The following RAD52 variants were observed in gnomAD, a reference collection of about 807,000 sequenced individuals.
RAD52 encodes DNA repair protein RAD52 homolog.
Under a neutral mutation model 55.5 loss-of-function variants are expected in RAD52, and 47 were observed. The observed-to-expected ratio is 0.85, with a 90% CI of 0.67 to 1.08. The LOEUF (loss-of-function observed/expected upper bound fraction) is 1.08, where lower values mean the gene tolerates loss of function less well. Among genes scored for constraint, RAD52 ranks in the 50% least tolerant of loss-of-function variants. The pLI, the probability that RAD52 is intolerant of heterozygous loss-of-function variation, is 0.00. For synonymous variants in RAD52, 184 were observed against 198.9 expected (o/e 0.92, Z 0.63); for missense variants, 468 against 522.8 (o/e 0.90, Z 1.02).
At chr12:984,823 C>G (rs773718956) in intron 1 of RAD52, among the ~76,000 whole-genome samples, 1 of 152,178 alleles carries the variant, frequency 6.6e-6, no homozygotes, top group Non-Finnish European at 1.5e-5. Context: ...CGCCACCATG[C>G]CCGGCTAATT....
intron 1 of RAD52, among the ~76,000 whole-genome samples, chr12:960,222 C>G (rs542022000): frequency 1.3e-5 from 2 of 152,164 alleles, no homozygotes; most frequent in South Asian, 4.1e-4. Flanking sequence ...TGCAGGGGCA[C>G]CAGCTAGGAG....
intron 1 of RAD52, among the ~76,000 whole-genome samples, chr12:959,285 G>A (rs1374241369): frequency 2.0e-5 from 3 of 152,192 alleles, no homozygotes; most frequent in South Asian, 4.1e-4. Flanking sequence ...GCTGATTGCA[G>A]TGCCTCTTAG....
intron 1 of RAD52, among the ~76,000 whole-genome samples, chr12:968,660 A>T (rs1025717349): frequency 6.6e-6 from 1 of 152,118 alleles, no homozygotes; most frequent in Non-Finnish European, 1.5e-5. Flanking sequence ...AAAGCCAGAG[A>T]ATGGTACGTC....
chr12:925,195 C>T (rs1227294742), intron 7 of RAD52, among the ~76,000 whole-genome samples: 1 of 151,972 alleles, frequency 6.6e-6, no homozygotes. Context: ...TGTGATCCAC[C>T]TGCCTCCACC....
At chr12:970,209 A>AG (rs1166869898) in intron 1 of RAD52, among the ~76,000 whole-genome samples, 1 of 143,426 alleles carries the variant, frequency 7.0e-6, no homozygotes, top group African/African-American at 2.6e-5. Context: ...TGGGTGGGGC[A>AG]GGGGGGTGCT....
chr12:959,945 G>A (rs1958660849), intron 1 of RAD52, among the ~76,000 whole-genome samples: 1 of 152,106 alleles, frequency 6.6e-6, no homozygotes, highest in South Asian at 2.1e-4. Context: ...TTAACACTGG[G>A]CACAGCAAAT....
At chr12:942,396 T>A (rs1048911536) in intron 1 of RAD52, among the ~76,000 whole-genome samples, 1 of 152,190 alleles carries the variant, frequency 6.6e-6, no homozygotes, top group Non-Finnish European at 1.5e-5. Flanking sequence ...TTTAATTATA[T>A]CTCACACCAT....
At chr12:966,032 A>AG (rs1179175822) in intron 1 of RAD52, among the ~76,000 whole-genome samples, 4 of 152,012 alleles carry the variant, frequency 2.6e-5, no homozygotes, top group African/African-American at 9.7e-5. Context: ...GCTGGAGTGC[A>AG]GTGGCACGAT....
At chr12:941,690 T>C (rs952626520) in intron 1 of RAD52, among the ~76,000 whole-genome samples, 24 of 152,040 alleles carry the variant, frequency 1.6e-4, no homozygotes, top group Admixed American at 9.2e-4. Context: ...TGGAGTGCAA[T>C]GGCACTATCT....
chr12:945,047 T>A (rs1464701292), intron 1 of RAD52, among the ~76,000 whole-genome samples: 3 of 152,130 alleles, frequency 2.0e-5, no homozygotes, highest in East Asian at 3.9e-4. Context: ...TTTAAAAAAA[T>A]TAGCAAAAGT....
intron 1 of RAD52, among the ~76,000 whole-genome samples, chr12:978,253 C>T (rs1958960435): frequency 6.6e-6 from 1 of 151,688 alleles, no homozygotes; most frequent in Admixed American, 6.6e-5. Flanking sequence ...CAGGGTTTCA[C>T]CATGTTGGTC....
intron 7 of RAD52, among the ~76,000 whole-genome samples, chr12:924,947 A>ATTT (rs10708242): frequency 1.9e-5 from 2 of 105,604 alleles, no homozygotes; most frequent in Non-Finnish European, 2.0e-5. Context: ...AAATGGTGTG[A>ATTT]TTTTTTTTTT....
intron 10 of RAD52, 116 bp downstream of exon 10, chr12:914,315 C>T: frequency 6.9e-7 from 1 of 1,458,370 alleles, no homozygotes; most frequent in South Asian, 1.3e-5. Flanking sequence ...TGCTATCAGC[C>T]AGAACCCCCT....
At chr12:947,226 T>C (rs1410833057) in intron 1 of RAD52, among the ~76,000 whole-genome samples, 1 of 152,024 alleles carries the variant, frequency 6.6e-6, no homozygotes, top group East Asian at 1.9e-4. Flanking sequence ...CTCGGGAGGC[T>C]GAGGCAGGAG....
chr12:936,410 T>C (rs1189858499), intron 1 of RAD52, among the ~76,000 whole-genome samples: 13 of 151,760 alleles, frequency 8.6e-5, no homozygotes, highest in Non-Finnish European at 1.8e-4. Flanking sequence ...TTTTGCTCTT[T>C]TACTTTGAAA....
intron 1 of RAD52, among the ~76,000 whole-genome samples, chr12:987,720 T>C (rs1043088981): frequency 6.6e-5 from 10 of 152,028 alleles, no homozygotes; most frequent in African/African-American, 2.4e-4. Flanking sequence ...GCCACCATAC[T>C]TGACTTATTT....
chr12:932,260 C>T (rs988626394), intron 2 of RAD52, among the ~76,000 whole-genome samples: 88 of 152,210 alleles, frequency 5.8e-4, no homozygotes, highest in African/African-American at 2.0e-3. Context: ...TTTGGGAGGC[C>T]GAGGCAGGCG....
intron 1 of RAD52, among the ~76,000 whole-genome samples, chr12:956,098 C>T (rs763845325): frequency 2.0e-5 from 3 of 152,178 alleles, no homozygotes; most frequent in Non-Finnish European, 4.4e-5. Flanking sequence ...CTCCCTTGAA[C>T]AAGGGGCAGC....
intron 1 of RAD52, among the ~76,000 whole-genome samples, chr12:986,421 G>A (rs1959086817): frequency 6.6e-6 from 1 of 151,894 alleles, no homozygotes. Context: ...CTGGAGAGTG[G>A]TACCATTATA....
Sources: gnomAD v4.1 joint callset for allele counts (sites outside exome capture counted in the v4.1 genomes callset) on GRCh38, gnomAD v4.1.1 for gene constraint, MANE v1.5 for transcripts, NCBI Gene and HGNC (gene_info 2026-07-23, HGNC 2026-07-21) for gene names.